The following PIP5K1A variants were observed in gnomAD, a reference collection of about 807,000 sequenced individuals.
PIP5K1A encodes phosphatidylinositol 4-phosphate 5-kinase type-1 alpha.
A neutral mutation model predicts 72.9 loss-of-function variants in PIP5K1A; 46 were observed. That is an observed-to-expected ratio of 0.63 (90% CI 0.50 to 0.81). PIP5K1A has a LOEUF of 0.81. Ranked by LOEUF, PIP5K1A falls within the 30% of genes least tolerant of loss-of-function variation. The probability of loss-of-function intolerance (pLI) is 0.00; values close to 1 mark genes in which losing one functional copy is unlikely to be tolerated. For missense variants in PIP5K1A, 458 were observed against 706.1 expected (o/e 0.65, Z 3.98); for synonymous variants, 228 against 255.1 (o/e 0.89, Z 1.01).
chr1:151,214,188 T>C lies in PIP5K1A; in HGVS notation c.86-10057T>C, dbSNP rs587693624. Among the ~76,000 whole-genome samples the C allele has an allele frequency of 4.4e-3, 669 of 152,302 alleles. 6 individuals are homozygous for C. The highest frequency in any genetic ancestry group is 0.014 in the Middle Eastern group (4 of 294). The stretch of plus-strand genomic sequence containing the variant: ...TTCCCTATTGTTCACTTAGATTCTT[T>C]CCAATAATGGGATCTATGCAATTAT... On this transcript the variant is annotated intron_variant, in intron 1 of 15. Coordinates refer to ENST00000368888, the MANE Select transcript of PIP5K1A (RefSeq NM_001135638.2).
chr1:151,212,366 T>C (rs1686945131), intron 1 of PIP5K1A, among the ~76,000 whole-genome samples: 1 of 152,138 alleles, frequency 6.6e-6, no homozygotes, highest in South Asian at 2.1e-4. Context: ...CTCTCAATAG[T>C]GAATATTAGT....
At chr1:151,204,464 G>C (rs1219355946) in intron 1 of PIP5K1A, among the ~76,000 whole-genome samples, 1 of 152,026 alleles carries the variant, frequency 6.6e-6, no homozygotes, top group African/African-American at 2.4e-5. Context: ...GGCGTGAGCC[G>C]CCACGCCCGG....
chr1:151,244,304 A>G (rs1004205577), intron 14 of PIP5K1A, among the ~76,000 whole-genome samples: 1 of 152,174 alleles, frequency 6.6e-6, no homozygotes, highest in African/African-American at 2.4e-5. Context: ...TATAACAACT[A>G]TTTACATAGC....
At chr1:151,212,688 C>G (rs1001367134) in intron 1 of PIP5K1A, among the ~76,000 whole-genome samples, 4 of 151,990 alleles carry the variant, frequency 2.6e-5, no homozygotes, top group Non-Finnish European at 5.9e-5. Context: ...CATTCTCCTG[C>G]CTCAGCTTCT....
At chr1:151,195,499 G>C (rs1558218810), upstream of PIP5K1A, among the ~76,000 whole-genome samples, 1 of 152,164 alleles carries the variant, frequency 6.6e-6, no homozygotes, top group Non-Finnish European at 1.5e-5. Flanking sequence ...GGACACCCCA[G>C]GTACTGAGTG....
rs1243491461 is a variant in PIP5K1A, at chr1:151,234,185, T to C, written c.640-12T>C. ...GTTGTTCTCCTACTTCTGTTTCCTT[T>C]TGTGTTCTCAGAACCTCAACCAGAA... On this transcript the variant is annotated splice_polypyrimidine_tract_variant and intron_variant, in intron 7 of 15. Transcript: ENST00000368888. 7 of 1,575,576 alleles carry C rather than the reference T, an allele frequency of 4.4e-6. No homozygotes were observed. In the Admixed American group the frequency reaches 1.3e-4, roughly 29 times the overall value.
intron 4 of PIP5K1A, among the ~76,000 whole-genome samples, chr1:151,229,360 CTT>C (rs587604327): frequency 1.4e-4 from 18 of 130,732 alleles, no homozygotes; most frequent in Non-Finnish European, 1.5e-4. Flanking sequence ...GCTTATTTAG[CTT>C]TTTTTTTTTT....
intron 15 of PIP5K1A, 46 bp from the exon 16 acceptor site, chr1:151,247,817 T>C: frequency 6.5e-7 from 1 of 1,527,004 alleles, no homozygotes; most frequent in Non-Finnish European, 9.0e-7. Context: ...CCATTTCTGC[T>C]TAATCTCATA....
rs1690661558 is a variant in PIP5K1A at position 151,235,100 on chromosome 1, G to T, written c.939+604G>T. Among the ~76,000 whole-genome samples, 2 of 151,896 alleles carry T rather than the reference G, an allele frequency of 1.3e-5. 1 individual carries two copies. Among genetic ancestry groups the T allele is most frequent in the South Asian group, 4.2e-4 (2 of 4,818 alleles). ...CATTTTACTTTATTTTTTATTTTTT[G>T]AGATGGAGTTTCACTCTTGTCACCC... is the stretch of plus-strand genomic sequence containing the variant. On this transcript the variant is annotated intron_variant, in intron 8 of 15. Transcript: ENST00000368888.
intron 12 of PIP5K1A, among the ~76,000 whole-genome samples, chr1:151,241,885 G>T (rs1691774852): frequency 1.3e-5 from 2 of 152,096 alleles, no homozygotes; most frequent in African/African-American, 4.8e-5. Context: ...CATGTTGGGG[G>T]GTTAGGTGTG....
At chr1:151,225,471 T>C (rs1322916117) in intron 3 of PIP5K1A, among the ~76,000 whole-genome samples, 3 of 88,684 alleles carry the variant, frequency 3.4e-5, no homozygotes, top group East Asian at 5.4e-4. Flanking sequence ...TCCTCCCTTC[T>C]TGCCTTTTTT....
At chr1:151,212,275 A>T (rs1686934849) in intron 1 of PIP5K1A, among the ~76,000 whole-genome samples, 1 of 152,166 alleles carries the variant, frequency 6.6e-6, no homozygotes, top group Non-Finnish European at 1.5e-5. Flanking sequence ...AGTTCAGCTC[A>T]TTTCTCATTC....
intron 1 of PIP5K1A, chr1:151,213,373 T>A (rs1439933857): frequency 6.6e-6 from 1 of 152,184 alleles, no homozygotes; most frequent in African/African-American, 2.4e-5. Flanking sequence ...TTTAGTAACA[T>A]TAATGATTTC....
In PIP5K1A at chr1:151,210,004, C is replaced by G. The variant is rs114029073; in HGVS notation, c.85+10923C>G. 4.4e-3 allele frequency among the ~76,000 whole-genome samples: 673 copies of G among 152,126 alleles called. 6 individuals are homozygous for G. Among genetic ancestry groups the G allele is most frequent in the African/African-American group, 0.015 (622 of 41,484 alleles). On this transcript the variant is annotated intron_variant, in intron 1 of 15. Transcript: ENST00000368888. ...GTTCAAGAGATTCTTGTGCCTCTGC[C>G]TCTCGAGTAGCTGGGATTATAGGTG...
intron 1 of PIP5K1A, among the ~76,000 whole-genome samples, chr1:151,222,915 C>T (rs1042714084): frequency 3.3e-5 from 5 of 152,130 alleles, no homozygotes; most frequent in African/African-American, 4.8e-5. Context: ...CCTAACTTTG[C>T]TCTTGCGTCA....
rs141224225 is a variant in PIP5K1A, at chr1:151,214,623, C to T, written c.86-9622C>T. ...CTCGAACTCCTGACCTCAAGTGATC[C>T]GCTTGCCTCAGCCTCCCAAAGGGCT... On this transcript the variant is annotated intron_variant, in intron 1 of 15. Transcript: ENST00000368888. Among the ~76,000 whole-genome samples the T allele has an allele frequency of 4.5e-3, 688 of 152,206 alleles. 6 individuals are homozygous for T. Among genetic ancestry groups the T allele is most frequent in the African/African-American group, 0.016 (651 of 41,528 alleles).
chr1:151,221,781 C>G (rs148159321), intron 1 of PIP5K1A, among the ~76,000 whole-genome samples: 1 of 152,294 alleles, frequency 6.6e-6, no homozygotes, highest in East Asian at 1.9e-4. Context: ...TAAAAATTGT[C>G]TGGCTAACAG....
chr1:151,246,582 C>G (rs1571038847), intron 14 of PIP5K1A, among the ~76,000 whole-genome samples: 1 of 152,096 alleles, frequency 6.6e-6, no homozygotes, highest in East Asian at 1.9e-4. Flanking sequence ...AAGAGAATCA[C>G]TAAATGCAGC....
intron 1 of PIP5K1A, among the ~76,000 whole-genome samples, chr1:151,200,585 G>A (rs950440271): frequency 1.3e-5 from 2 of 152,094 alleles, no homozygotes; most frequent in African/African-American, 4.8e-5. Flanking sequence ...TTGCTGTTTA[G>A]AATTTGCTGA....
Sources: allele counts gnomAD v4.1 joint callset (sites outside exome capture counted in the v4.1 genomes callset), GRCh38; gene constraint gnomAD v4.1.1; transcripts MANE v1.5; gene names NCBI Gene and HGNC (gene_info 2026-07-23, HGNC 2026-07-21).